The following NAV2 variants were observed in gnomAD, a reference collection of about 807,000 sequenced individuals.
NAV2 encodes helicase, APC down-regulated 1.
Under a neutral mutation model 223.2 loss-of-function variants are expected in NAV2, and 54 were observed. The ratio of observed to expected loss-of-function variants is 0.24; its 90% CI spans 0.19 to 0.30. The LOEUF is 0.30. NAV2 is among the 10% of genes least tolerant of loss of function. NAV2 has a pLI of 1.00. For synonymous variants in NAV2, 1,279 were observed against 1,239.3 expected (o/e 1.03, Z -0.67); for missense variants, 2,806 against 3,147.5 (o/e 0.89, Z 2.60).
chr11:19,606,190 T>C lies in NAV2; in HGVS notation c.76-226294T>C, dbSNP rs528450025. On this transcript the variant is annotated intron_variant, in intron 1 of 37. Coordinates refer to the NAV2 transcript ENST00000360655. The stretch of plus-strand genomic sequence containing the variant: ...GGCAGCAAAAGCCAAACTCCTTTGT[T>C]TGGCTGTGAAGACTCTGCAAAGCCT... Among the ~76,000 whole-genome samples, 4 of 152,354 alleles carry C rather than the reference T, an allele frequency of 2.6e-5. No homozygotes were observed. In the South Asian group the frequency reaches 8.3e-4, roughly 32 times the overall value.
At position 19,367,574 on chromosome 11, in the gene NAV2, C is replaced by A. The variant is rs559905344; in HGVS notation, c.75+16547C>A. 3.9e-5 allele frequency among the ~76,000 whole-genome samples: 6 copies of A among 152,210 alleles called. No homozygotes were observed. The East Asian group carries it at 1.2e-3, about 29-fold the overall frequency. ...GTGGTGGGGTTTTCAAGAGAGCTCC[C>A]ACTGGCTCTCTAGATCCTCCCACCC... is the stretch of plus-strand genomic sequence containing the variant. On this transcript the variant is annotated intron_variant, in intron 1 of 37. Coordinates refer to the NAV2 transcript ENST00000360655.
At chr11:19,660,481 G>A (rs770547002) in intron 1 of NAV2, among the ~76,000 whole-genome samples, 168 of 152,136 alleles carry the variant, frequency 1.1e-3, no homozygotes, top group Non-Finnish European at 1.7e-3. Context: ...AGGGGAGGCA[G>A]TGGCACTGGG....
At chr11:19,919,499 C>T (rs1303317315) in intron 6 of NAV2, among the ~76,000 whole-genome samples, 2 of 152,122 alleles carry the variant, frequency 1.3e-5, no homozygotes, top group East Asian at 1.9e-4. Flanking sequence ...GCCTGTAGGG[C>T]ACAGGGCCCT....
At chr11:19,567,841 T>C (rs1375504605) in intron 1 of NAV2, among the ~76,000 whole-genome samples, 1 of 152,162 alleles carries the variant, frequency 6.6e-6, no homozygotes, top group Non-Finnish European at 1.5e-5. Flanking sequence ...CAGGTTAAAG[T>C]TCCTCCTTCC....
chr11:19,636,489 A>ATT lies in NAV2; in HGVS notation c.76-195977_76-195976dup, dbSNP rs5790080. ...GAATTAAGGAGATGAGTTCTGCAGT[A>ATT]TTTTTTTTTTTTTTTTTTTGAGACG... On this transcript the variant is annotated intron_variant, in intron 1 of 37. Coordinates refer to the NAV2 transcript ENST00000360655. Among the ~76,000 whole-genome samples the ATT allele has an allele frequency of 1.2e-3, 169 of 136,216 alleles. 1 individual carries two copies. Among genetic ancestry groups the ATT allele is most frequent in the African/African-American group, 4.0e-3 (147 of 36,534 alleles). 89.4% of individuals were successfully genotyped at this position (136,216 alleles called of 152,430 possible).
intron 29 of NAV2, among the ~76,000 whole-genome samples, chr11:20,094,763 G>A (rs2061126827): frequency 6.6e-6 from 1 of 152,134 alleles, no homozygotes; most frequent in African/African-American, 2.4e-5. Flanking sequence ...GAAGCCAGGG[G>A]CAAGTGGTGG....
chr11:19,949,159 G>C, intron 10 of NAV2, 79 bp downstream of exon 10: 1 of 1,457,502 alleles, frequency 6.9e-7, no homozygotes, highest in Non-Finnish European at 9.1e-7. Flanking sequence ...GGCTCTATTT[G>C]ATTCTTCTGG....
chr11:20,101,146 T>A lies in NAV2; in HGVS notation c.6391T>A (p.Phe2131Ile), dbSNP rs1355483718. Reference protein sequence around the residue: ...RELTDGVIATFNVDHKSSKEL... With the variant: ...RELTDGVIATINVDHKSSKEL... Reference sequence around the variant, plus strand: ...GTTGACAGACGGGGTTATCGCCACCTTTAACGTGGACCATAAGTCCAGCAA... The same window carrying A: ...GTTGACAGACGGGGTTATCGCCACCATTAACGTGGACCATAAGTCCAGCAA... The change falls in exon 32 of 38, where the codon TTT (phenylalanine) becomes ATT (isoleucine). Residue 2131 changes from phenylalanine (F) to isoleucine (I), a missense_variant. Physicochemically the swap from Phe to Ile is conservative, Grantham distance 21. Transcript: ENST00000349880. 4 of 1,613,590 alleles carry A rather than the reference T, an allele frequency of 2.5e-6. No individual in the cohort carries two copies. The highest frequency in any genetic ancestry group is 3.4e-6 in the Non-Finnish European group (4 of 1,179,634).
intron 17 of NAV2, among the ~76,000 whole-genome samples, chr11:20,053,225 A>G (rs531872620): frequency 2.0e-5 from 3 of 150,656 alleles, no homozygotes; most frequent in Admixed American, 2.0e-4. Flanking sequence ...CTCGAAAAAA[A>G]AAAAAAAAAA....
At chr11:19,975,942 TAGGAATTTCTGATTTCGATAATG>T (rs140982629) in intron 10 of NAV2, among the ~76,000 whole-genome samples, 77,152 of 152,054 alleles carry the variant, frequency 0.51, 22,033 homozygotes, top group Middle Eastern at 0.67. Flanking sequence ...TAAGAAAGTT[TAGGAATTTCTGATTTCGATAATG>T]GTCTGTAAAC....
intron 3 of NAV2, among the ~76,000 whole-genome samples, chr11:19,845,020 G>A (rs1408448661): frequency 6.6e-6 from 1 of 152,110 alleles, no homozygotes; most frequent in Non-Finnish European, 1.5e-5. Context: ...TGAATAGGAT[G>A]ATGAGAAGGA....
At chr11:19,802,710 T>C (rs141339804) in intron 1 of NAV2, among the ~76,000 whole-genome samples, 2 of 37,976 alleles carry the variant, frequency 5.3e-5, no homozygotes, top group South Asian at 7.3e-4. Context: ...ACCCTGTCTC[T>C]CAAAAAAAAA....
intron 1 of NAV2, among the ~76,000 whole-genome samples, chr11:19,471,529 C>T (rs2041965230): frequency 6.6e-6 from 1 of 152,138 alleles, no homozygotes; most frequent in Non-Finnish European, 1.5e-5. Flanking sequence ...GGTGCTATTA[C>T]CATCACAATC....
chr11:19,357,341 G>A (rs1338616588), intron 1 of NAV2, among the ~76,000 whole-genome samples: 2 of 152,096 alleles, frequency 1.3e-5, no homozygotes. Flanking sequence ...AGGTTGTTTG[G>A]TATTTGTTAA....
chr11:19,945,921 C>T (rs1048248109), intron 8 of NAV2, among the ~76,000 whole-genome samples: 4 of 152,244 alleles, frequency 2.6e-5, no homozygotes, highest in African/African-American at 7.2e-5. Context: ...CAACCTTTCT[C>T]TGTATAAATA....
chr11:19,948,084 A>ATT (rs35277859), intron 9 of NAV2, among the ~76,000 whole-genome samples: 7 of 146,694 alleles, frequency 4.8e-5, no homozygotes, highest in South Asian at 2.2e-4. Flanking sequence ...GAAAATTCTT[A>ATT]TTTTTTTTTT....
chr11:19,356,154 G>A (rs920743983), intron 1 of NAV2, among the ~76,000 whole-genome samples: 1 of 152,172 alleles, frequency 6.6e-6, no homozygotes, highest in Non-Finnish European at 1.5e-5. Flanking sequence ...AAGAGCTTAG[G>A]ATGGACAGTG....
chr11:19,904,404 T>C (rs566216798), intron 6 of NAV2, among the ~76,000 whole-genome samples: 1 of 151,736 alleles, frequency 6.6e-6, no homozygotes, highest in South Asian at 2.1e-4. Flanking sequence ...TGGTAACTGG[T>C]CTTATAAAAA....
chr11:19,536,546 C>A (rs1351567456), intron 1 of NAV2, among the ~76,000 whole-genome samples: 2 of 152,146 alleles, frequency 1.3e-5, no homozygotes, highest in East Asian at 3.8e-4. Flanking sequence ...TGTGCCAATA[C>A]CCATTAAAGT....
Sources: gnomAD v4.1 joint callset for allele counts (sites outside exome capture counted in the v4.1 genomes callset) on GRCh38, gnomAD v4.1.1 for gene constraint, MANE v1.5 for transcripts, NCBI Gene and HGNC (gene_info 2026-07-23, HGNC 2026-07-21) for gene names.